KRT1: variants seen among roughly 807,000 people sequenced by gnomAD.
KRT1 encodes keratin 1.
In KRT1, 28 loss-of-function variants were observed where a neutral mutation model predicts 51.6. The observed-to-expected ratio is 0.54, with a 90% CI of 0.40 to 0.74. KRT1 has a LOEUF of 0.74. Among genes scored for constraint, KRT1 ranks in the 30% least tolerant of loss-of-function variants. The pLI is 0.00. For synonymous variants in KRT1, 301 were observed against 307.7 expected (o/e 0.98, Z 0.23); for missense variants, 783 against 815.5 (o/e 0.96, Z 0.49).
chr12:52,678,342 G>A (rs1014608192), intron 2 of KRT1, 119 bp from the exon 3 acceptor site: 15 of 1,089,204 alleles, frequency 1.4e-5, no homozygotes, highest in Non-Finnish European at 2.1e-5. Flanking sequence ...AGGACATATT[G>A]GCCACTACTT....
Position 52,679,642 on chromosome 12 carries a change from C to T in KRT1, c.591+116G>A, listed in dbSNP as rs1941557013. 8 of 937,096 alleles carry T rather than the reference C, an allele frequency of 8.5e-6. No individual in the cohort carries two copies. The South Asian group carries it at 1.1e-4, about 13-fold the overall frequency. The allele number at this position is 937,096 out of a possible 1,614,324, so 58.0% of individuals were successfully genotyped here. A position where few individuals can be genotyped will look rare whatever the true frequency, so the allele number is the denominator to read the frequency against. On this transcript the variant is annotated intron_variant, in intron 1 of 8. Coordinates refer to ENST00000252244, the MANE Select transcript of KRT1 (RefSeq NM_006121.4). Reference sequence around the variant, plus strand: ...TCTCCTAGGAGACCATTCCACAAAACATCCTTTTAATCATGTAAACATGGA... The same window carrying T: ...TCTCCTAGGAGACCATTCCACAAAATATCCTTTTAATCATGTAAACATGGA...
intron 1 of KRT1, 94 bp downstream of exon 1, chr12:52,679,664 T>C: frequency 9.3e-7 from 1 of 1,073,742 alleles, no homozygotes; most frequent in South Asian, 1.3e-5. Context: ...CATGTAAACA[T>C]GGAAACTTGA....
Position 52,680,121 on chromosome 12 carries a change from G to C in KRT1, c.228C>G (p.Ile76Met), listed in dbSNP as rs1302154097. 1 of 1,570,060 alleles carries C rather than the reference G, an allele frequency of 6.4e-7. No homozygotes were observed. The part of the protein sequence containing the change: ...SLVNLGGSKS[I>M]SISVARGGGR... ...CACCTCCTCTAGCCACACTTATGGA[G>C]ATGCTTTTACTGCCACCAAGGTTAA... Residue 76 changes from isoleucine to methionine, a missense_variant, in exon 1 of 9, where the codon ATC (isoleucine) becomes ATG (methionine). Ile to Met is a conservative substitution (Grantham distance 10). Transcript: ENST00000252244.
Position 52,678,677 on chromosome 12 carries a change from G to A in KRT1, c.671C>T (p.Thr224Ile). The A allele has an allele frequency of 1.9e-6, 3 of 1,614,238 alleles. No individual in the cohort carries two copies. The highest frequency in any genetic ancestry group is 2.2e-5 in the East Asian group (1 of 44,888). The change falls in exon 2 of 9, where the codon ACC (threonine) becomes ATC (isoleucine). Residue 224 changes from threonine to isoleucine, a missense_variant. By Grantham distance (89) the Thr-to-Ile change is moderately conservative. Transcript: ENST00000252244. ...LLQQVDTSTR[T>I]HNLEPYFESF... ...CTCAAAGTAGGGCTCTAAATTATGG[G>A]TTCTAGTGGAGGTATCTACCTGCTG...
Position 52,674,887 on chromosome 12 carries a change from C to T in KRT1, c.*306G>A. 1.9e-6 allele frequency: 1 copy of T among 533,822 alleles called. No homozygotes were observed. 33.1% of individuals were successfully genotyped at this position (533,822 alleles called of 1,614,324 possible). ...GGAGCTGTCCACACCCTGGGTCTAA[C>T]TGGTCCTACTCTGGCTGGCTTAAGG... On this transcript the variant is annotated 3_prime_UTR_variant, in exon 9 of 9. Transcript: ENST00000252244.
rs772752175 is a variant in KRT1 at position 52,676,400 on chromosome 12, G to A, written c.1350C>T (p.Ala450=). The change falls in exon 7 of 9, where the codon GCC becomes GCT. Residue 450 remains alanine, a synonymous_variant. Coordinates refer to ENST00000252244, the MANE Select transcript of KRT1 (RefSeq NM_006121.4). The stretch of plus-strand genomic sequence containing the variant: ...CCAGGTCTTCCTTGGCCTGCTGCAG[G>A]GCATCCTCCAGGTCATTCAGCTTGT... ...AKNKLNDLED[A]LQQAKEDLAR... The A allele has an allele frequency of 8.1e-6, 13 of 1,614,064 alleles. No homozygotes were observed. The South Asian group carries it at 1.3e-4, about 16-fold the overall frequency.
Position 52,679,869 on chromosome 12 carries a change from G to C in KRT1, c.480C>G (p.Ser160Arg). The change falls in exon 1 of 9, where the codon AGC (serine) becomes AGG (arginine). Residue 160 changes from serine (S) to arginine (R), a missense_variant. Ser to Arg is a moderately radical substitution (Grantham distance 110). Transcript: ENST00000252244. ...GGIQEVTINQSLLQPLNVEID... is the reference protein window; with the variant it reads ...GGIQEVTINQRLLQPLNVEID... Reference sequence around the variant, plus strand: ...TCTCCACATTGAGGGGCTGAAGAAGGCTCTGGTTGATAGTGACTTCTTGTA... The same window carrying C: ...TCTCCACATTGAGGGGCTGAAGAAGCCTCTGGTTGATAGTGACTTCTTGTA... 2 of 1,614,144 alleles carry C rather than the reference G, an allele frequency of 1.2e-6. No individual in the cohort carries two copies. Among genetic ancestry groups the C allele is most frequent in the Non-Finnish European group, 1.7e-6 (2 of 1,180,016 alleles).
rs1304725792 is a variant in KRT1, at chr12:52,678,572, A to C, written c.776T>G (p.Met259Arg). 1 of 1,614,120 alleles carries C rather than the reference A, an allele frequency of 6.2e-7. No individual in the cohort carries two copies. The highest frequency in any genetic ancestry group is 8.5e-7 in the Non-Finnish European group (1 of 1,180,046). ...QSRLDSELKN[M>R]QDMVEDYRNK... is the part of the protein sequence containing the mutation. ...CCGGTAATCCTCCACCATGTCCTGC[A>C]TGTTCTTCAGTTCCGAATCCAACCG... The change falls in exon 2 of 9, where the codon ATG (methionine) becomes AGG (arginine). Residue 259 changes from methionine to arginine, a missense_variant. Physicochemically the swap from Met to Arg is moderately conservative, Grantham distance 91. Transcript: ENST00000252244.
In KRT1 at chr12:52,680,047, C is replaced by G. The variant is rs147840212; in HGVS notation, c.302G>C (p.Gly101Ala). The change falls in exon 1 of 9, where the codon GGT becomes GCT. Residue 101 changes from glycine to alanine, a missense_variant. Gly to Ala is a moderately conservative substitution (Grantham distance 60). Coordinates refer to ENST00000252244, the MANE Select transcript of KRT1 (RefSeq NM_006121.4). ...GGGYGGGGFG[G>A]GGFGGGGFGG... ...AAAGCCACCACCACCAAAGCCACCA[C>G]CACCAAAGCCACCACCACCATAACC... 2.8e-4 allele frequency: 434 copies of G among 1,555,626 alleles called. 1 individual carries two copies. In the African/African-American group the frequency reaches 5.6e-3, roughly 20 times the overall value.
chr12:52,675,566 C>T lies in KRT1; in HGVS notation c.1562G>A (p.Gly521Asp). ...TISGGGSRGG[G>D]GGGYGSGGSS... ...ACCTCCAGAGCCGTAGCCACCGCCGCCACCTCCTCGGCTGCCACCTCCACT... is the reference window on the plus strand; with the variant it reads ...ACCTCCAGAGCCGTAGCCACCGCCGTCACCTCCTCGGCTGCCACCTCCACT... Residue 521 changes from glycine (G) to aspartate (D), a missense_variant, in exon 9 of 9, where the codon GGC (glycine) becomes GAC (aspartate). Gly to Asp is a moderately conservative substitution (Grantham distance 94). Coordinates refer to ENST00000252244, the MANE Select transcript of KRT1 (RefSeq NM_006121.4). 6.2e-7 allele frequency: 1 copy of T among 1,614,068 alleles called. No homozygotes were observed. The highest frequency in any genetic ancestry group is 8.5e-7 in the Non-Finnish European group (1 of 1,179,960).
At chr12:52,676,945 A>G (rs1941514858) in intron 6 of KRT1, 114 bp downstream of exon 6, 2 of 1,375,796 alleles carry the variant, frequency 1.5e-6, no homozygotes, top group Admixed American at 3.5e-5. Flanking sequence ...AACCAGGGAT[A>G]ATAATGTAGC....
In KRT1 at chr12:52,676,426, T is replaced by G. The variant is rs1421957931; in HGVS notation, c.1324A>C (p.Asn442His). ...RGENALKDAKNKLNDLEDALQ... is the reference protein window; with the variant it reads ...RGENALKDAKHKLNDLEDALQ... ...GCATCCTCCAGGTCATTCAGCTTGT[T>G]CTTGGCATCCTTGAGGGCATTCTCG... The change falls in exon 7 of 9, where the codon AAC becomes CAC. Residue 442 changes from asparagine (N) to histidine (H), a missense_variant. Coordinates refer to ENST00000252244, the MANE Select transcript of KRT1 (RefSeq NM_006121.4). 1 of 1,614,060 alleles carries G rather than the reference T, an allele frequency of 6.2e-7. No homozygotes were observed.
At chr12:52,676,222 G>C in intron 7 of KRT1, 53 bp downstream of exon 7, 1 of 1,423,482 alleles carries the variant, frequency 7.0e-7, no homozygotes. Flanking sequence ...CAATCAGCTT[G>C]CAAGGAAGGA....
At chr12:52,675,843 T>A (rs983727003) in intron 7 of KRT1, 99 bp from the exon 8 acceptor site, 1 of 1,344,108 alleles carries the variant, frequency 7.4e-7, no homozygotes, top group African/African-American at 1.4e-5. Flanking sequence ...CCCATCTGGG[T>A]CTTCTCCAAT....
intron 2 of KRT1, 124 bp downstream of exon 2, chr12:52,678,418 T>C (rs1378361535): frequency 4.5e-6 from 5 of 1,120,856 alleles, no homozygotes; most frequent in Non-Finnish European, 6.7e-6. Flanking sequence ...TCTGAAAATG[T>C]CAAACTGATG....
In KRT1 at chr12:52,680,322, A is replaced by G. The variant is rs755364139; in HGVS notation, c.27T>C (p.Ser9=). 1.2e-6 allele frequency: 2 copies of G among 1,614,158 alleles called. No homozygotes were observed. Among genetic ancestry groups the G allele is most frequent in the Non-Finnish European group, 1.7e-6 (2 of 1,180,038 alleles). ...TGAAGCCCCCTCCACTTCGGTACCC[A>G]GACCTGGAACTAAACTGTCGACTCA... MSRQFSSR[S]GYRSGGGFSS... is the part of the protein sequence containing the mutation. Residue 9 remains serine, a synonymous_variant, in exon 1 of 9, where the codon TCT becomes TCC. Transcript: ENST00000252244.
chr12:52,679,722 C>G, intron 1 of KRT1, 36 bp downstream of exon 1: 3 of 1,575,348 alleles, frequency 1.9e-6, no homozygotes, highest in Non-Finnish European at 2.6e-6. Flanking sequence ...AGTGGACCAG[C>G]GGCAGCCCTA....
At chr12:52,678,301 T>C (rs1941540164) in intron 2 of KRT1, 78 bp from the exon 3 acceptor site, 2 of 1,428,478 alleles carry the variant, frequency 1.4e-6, no homozygotes, top group Non-Finnish European at 2.0e-6. Flanking sequence ...AAAGGTGGCA[T>C]TGCCTATCAC....
At chr12:52,676,218 G>T in intron 7 of KRT1, 57 bp downstream of exon 7, 2 of 1,397,064 alleles carry the variant, frequency 1.4e-6, no homozygotes, top group Non-Finnish European at 1.0e-6. Flanking sequence ...ACAACAATCA[G>T]CTTGCAAGGA....
Sources: allele counts gnomAD v4.1 joint callset, GRCh38; gene constraint gnomAD v4.1.1; transcripts MANE v1.5; gene names NCBI Gene and HGNC (gene_info 2026-07-23, HGNC 2026-07-21).